The following PTPDC1 variants were observed in gnomAD, a reference collection of about 807,000 sequenced individuals.
The protein encoded by PTPDC1 is protein tyrosine phosphatase domain-containing protein 1.
In PTPDC1, 53 loss-of-function variants were observed where a neutral mutation model predicts 75.3. The observed-to-expected ratio is 0.70, with a 90% CI of 0.56 to 0.88. PTPDC1 has a LOEUF of 0.88. Ranked by LOEUF, PTPDC1 falls within the 40% of genes least tolerant of loss-of-function variation. The pLI is 0.00. For synonymous variants in PTPDC1, 349 were observed against 366.2 expected (o/e 0.95, Z 0.54); for missense variants, 925 against 998.6 (o/e 0.93, Z 0.99).
chr9:94,088,499 G>T (rs1827156659), intron 4 of PTPDC1, among the ~76,000 whole-genome samples: 1 of 152,154 alleles, frequency 6.6e-6, no homozygotes, highest in South Asian at 2.1e-4. Flanking sequence ...TTAACATTTA[G>T]TTAATGCTTA....
At chr9:94,092,632 G>C (rs1246664834) in intron 4 of PTPDC1, among the ~76,000 whole-genome samples, 1 of 151,326 alleles carries the variant, frequency 6.6e-6, no homozygotes, top group African/African-American at 2.4e-5. Context: ...CAATTCCTGG[G>C]TATCCTTGTT....
chr9:94,069,305 C>T lies in PTPDC1; in HGVS notation c.82+4484C>T, dbSNP rs116423581. The stretch of plus-strand genomic sequence containing the variant: ...CCCTCCCACCCCCGGTATACCAAAT[C>T]CATGCATACTCAAGTCTCACAGTCT... On this transcript the variant is annotated intron_variant, in intron 2 of 9. Transcript: ENST00000375360. 2.7e-3 allele frequency among the ~76,000 whole-genome samples: 413 copies of T among 152,276 alleles called. 2 individuals carry two copies. Among genetic ancestry groups the T allele is most frequent in the African/African-American group, 9.5e-3 (396 of 41,556 alleles).
intron 2 of PTPDC1, among the ~76,000 whole-genome samples, chr9:94,071,835 G>C (rs1826520496): frequency 6.6e-6 from 1 of 152,146 alleles, no homozygotes; most frequent in South Asian, 2.1e-4. Flanking sequence ...TGAGGAGATT[G>C]CCATCTTTAC....
Position 94,085,249 on chromosome 9 carries a change from A to G in PTPDC1, c.245-2A>G. On this transcript the variant is annotated splice_acceptor_variant, in intron 1 of 8. Transcript: ENST00000620992. LOFTEE classifies it high-confidence loss of function. ...GAATTTTCCTTTCCTTATATGTTCTAGGAAATTTAGAACGTCCAACACCAA... is the reference window on the plus strand; with the variant it reads ...GAATTTTCCTTTCCTTATATGTTCTGGGAAATTTAGAACGTCCAACACCAA... 1 of 1,612,644 alleles carries G rather than the reference A, an allele frequency of 6.2e-7. No homozygotes were observed. The highest frequency in any genetic ancestry group is 8.5e-7 in the Non-Finnish European group (1 of 1,178,994).
At chr9:94,101,907 C>T (rs1827856154) in intron 7 of PTPDC1, among the ~76,000 whole-genome samples, 156 bp downstream of exon 7, 1 of 152,134 alleles carries the variant, frequency 6.6e-6, no homozygotes, top group Non-Finnish European at 1.5e-5. Flanking sequence ...GAAACTGATA[C>T]CCAGTGTAAA....
At chr9:94,080,950 C>T (rs1826856844), upstream of PTPDC1, among the ~76,000 whole-genome samples, 1 of 149,412 alleles carries the variant, frequency 6.7e-6, no homozygotes, top group Non-Finnish European at 1.5e-5. Context: ...GCAAGTTACT[C>T]TAAAAAATTC....
chr9:94,085,423 G>A lies in PTPDC1; in HGVS notation c.416+1G>A, dbSNP rs1288742728. On this transcript the variant is annotated splice_donor_variant, in intron 2 of 8. Transcript: ENST00000620992. LOFTEE classifies it high-confidence loss of function. Reference sequence around the variant, plus strand: ...CCATTAAGGGGGTTTACTCATCCTGGTGAGTGATCCTGTTGGTCTTTCATA... The same window carrying A: ...CCATTAAGGGGGTTTACTCATCCTGATGAGTGATCCTGTTGGTCTTTCATA... The A allele has an allele frequency of 2.5e-6, 4 of 1,613,854 alleles. No homozygotes were observed. The highest frequency in any genetic ancestry group is 4.5e-5 in the East Asian group (2 of 44,886).
intron 7 of PTPDC1, among the ~76,000 whole-genome samples, chr9:94,102,057 AT>A (rs1463900954): frequency 6.6e-6 from 1 of 152,154 alleles, no homozygotes; most frequent in Non-Finnish European, 1.5e-5. Flanking sequence ...TTTATATTTC[AT>A]TTTTGCTTAA....
rs1827891805 is a variant in PTPDC1, at chr9:94,102,883, T to G, written c.2199+1132T>G. On this transcript the variant is annotated intron_variant, in intron 7 of 8. Coordinates refer to ENST00000620992, the MANE Select transcript of PTPDC1 (RefSeq NM_001253829.2). ...ATGAGCCACCATGCCAGGCCTGTTT[T>G]TGTTTTAACAAACAATGTTATTGAA... is the stretch of plus-strand genomic sequence containing the variant. Among the ~76,000 whole-genome samples, 4 of 152,330 alleles carry G rather than the reference T, an allele frequency of 2.6e-5. No homozygotes were observed. The South Asian group carries it at 6.2e-4, about 24-fold the overall frequency.
chr9:94,093,073 A>G (rs1190417884), intron 4 of PTPDC1, among the ~76,000 whole-genome samples: 1 of 152,130 alleles, frequency 6.6e-6, no homozygotes, highest in African/African-American at 2.4e-5. Context: ...TGGAGCATTT[A>G]GTCCATTTAC....
At chr9:94,094,684 C>T (rs1417910639) in intron 4 of PTPDC1, among the ~76,000 whole-genome samples, 2 of 152,324 alleles carry the variant, frequency 1.3e-5, no homozygotes, top group South Asian at 2.1e-4. Flanking sequence ...GCCTTGCTGC[C>T]GCCTTGCAGT....
intron 8 of PTPDC1, among the ~76,000 whole-genome samples, chr9:94,104,931 G>GT (rs1827964268): frequency 6.6e-6 from 1 of 152,150 alleles, no homozygotes; most frequent in Non-Finnish European, 1.5e-5. Context: ...TGAGAGAAAA[G>GT]TTTCCCCTTA....
chr9:94,098,032 TC>T lies in PTPDC1; in HGVS notation c.1469del (p.Pro490HisfsTer149). 1 of 1,614,144 alleles carries T rather than the reference TC, an allele frequency of 6.2e-7. No homozygotes were observed. The highest frequency in any genetic ancestry group is 8.5e-7 in the Non-Finnish European group (1 of 1,180,030). ...CAGAAGCTCATAAGCCATTGTTACATCCCACAGTCTCCAGAACCAGACTTAC... is the reference window on the plus strand; with the variant it reads ...CAGAAGCTCATAAGCCATTGTTACATCCACAGTCTCCAGAACCAGACTTAC... ...RQQKLISHCY[I>X]PQSPEPDLHK... On this transcript the variant is annotated frameshift_variant, in exon 6 of 9. Coordinates refer to ENST00000620992, the MANE Select transcript of PTPDC1 (RefSeq NM_001253829.2). LOFTEE classifies it high-confidence loss of function.
chr9:94,098,361 C>T lies in PTPDC1; in HGVS notation c.1795C>T (p.Pro599Ser). The change falls in exon 6 of 9, where the codon CCC (proline) becomes TCC (serine). Residue 599 changes from proline to serine, a missense_variant. Pro to Ser is a moderately conservative substitution (Grantham distance 74). Coordinates refer to ENST00000620992, the MANE Select transcript of PTPDC1 (RefSeq NM_001253829.2). ...CTCTGTCAGGCAGAACAGCAGGACACCCCGAAGCCCTCTGGACTGTGGCTC... is the reference window on the plus strand; with the variant it reads ...CTCTGTCAGGCAGAACAGCAGGACATCCCGAAGCCCTCTGGACTGTGGCTC... Reference protein sequence around the residue: ...PGSVRQNSRTPRSPLDCGSSP... With the variant: ...PGSVRQNSRTSRSPLDCGSSP... The T allele has an allele frequency of 2.5e-6, 4 of 1,614,188 alleles. No homozygotes were observed. Among genetic ancestry groups the T allele is most frequent in the Non-Finnish European group, 2.5e-6 (3 of 1,180,038 alleles).
intron 1 of PTPDC1, 61 bp downstream of exon 1, chr9:94,084,835 C>A (rs1827014526): frequency 8.2e-7 from 1 of 1,219,398 alleles, no homozygotes; most frequent in Non-Finnish European, 1.2e-6. Context: ...TGGGAATCAG[C>A]TGTGTTGTGT....
upstream of PTPDC1, among the ~76,000 whole-genome samples, chr9:94,080,991 T>TC (rs1403348728): frequency 2.1e-5 from 3 of 142,474 alleles, no homozygotes; most frequent in East Asian, 4.2e-4. Flanking sequence ...TCTTTTTCTT[T>TC]TTCTTTTTTT....
intron 7 of PTPDC1, among the ~76,000 whole-genome samples, chr9:94,102,291 CAT>C (rs1156820751): frequency 6.6e-6 from 1 of 151,434 alleles, no homozygotes; most frequent in Non-Finnish European, 1.5e-5. Flanking sequence ...AGGTGTCACA[CAT>C]ATATACATGT....
rs559949599 is a variant in PTPDC1 at position 94,055,698 on chromosome 9, C to T, written c.-6-9036C>T. Among the ~76,000 whole-genome samples, 5 of 152,196 alleles carry T rather than the reference C, an allele frequency of 3.3e-5. No individual in the cohort carries two copies. The East Asian group carries it at 9.7e-4, about 29-fold the overall frequency. ...GTGGTTCCAACATGGCACATGTATA[C>T]CTATCTATCAAACCTGCACATTGTG... On this transcript the variant is annotated intron_variant, in intron 1 of 9. Transcript: ENST00000375360.
intron 7 of PTPDC1, among the ~76,000 whole-genome samples, chr9:94,103,104 A>G (rs2118094517): frequency 6.6e-6 from 1 of 152,150 alleles, no homozygotes; most frequent in East Asian, 1.9e-4. Flanking sequence ...CAATACACAG[A>G]CATGTGCGTG....
Sources: gnomAD v4.1 joint callset for allele counts (sites outside exome capture counted in the v4.1 genomes callset) on GRCh38, gnomAD v4.1.1 for gene constraint, MANE v1.5 for transcripts, NCBI Gene and HGNC (gene_info 2026-07-23, HGNC 2026-07-21) for gene names.